KCNMA1: variants seen among roughly 807,000 people sequenced by gnomAD.
KCNMA1 encodes the protein potassium calcium-activated channel subfamily M alpha 1.
In KCNMA1, 29 loss-of-function variants were observed where a neutral mutation model predicts 140.0. That is an observed-to-expected ratio of 0.21 (90% CI 0.15 to 0.28). The LOEUF (loss-of-function observed/expected upper bound fraction) is 0.28. Ranked by LOEUF, KCNMA1 falls within the 10% of genes least tolerant of loss-of-function variation. The pLI, the probability that KCNMA1 is intolerant of heterozygous loss-of-function variation, is 1.00. For synonymous variants in KCNMA1, 612 were observed against 611.9 expected (o/e 1.00, Z 0.00); for missense variants, 880 against 1,602.2 (o/e 0.55, Z 7.70).
chr10:77,015,271 C>T (rs796645053), intron 17 of KCNMA1, among the ~76,000 whole-genome samples: 5 of 152,200 alleles, frequency 3.3e-5, no homozygotes, highest in Admixed American at 6.5e-5. Context: ...CTTGACCCCC[C>T]GGGTGCCCTC....
At position 77,121,454 on chromosome 10, in the gene KCNMA1, C is replaced by T. The variant is rs142758828; in HGVS notation, c.809-406G>A. 9.6e-3 allele frequency among the ~76,000 whole-genome samples: 1,464 copies of T among 152,174 alleles called. 28 individuals carry two copies. The highest frequency in any genetic ancestry group is 0.034 in the African/African-American group (1,397 of 41,498). Reference sequence around the variant, plus strand: ...TGCTAAGAGCAGATTGAGAATAAATCGGATAACCTTATGTCTTTGATGGAT... The same window carrying T: ...TGCTAAGAGCAGATTGAGAATAAATTGGATAACCTTATGTCTTTGATGGAT... On this transcript the variant is annotated intron_variant, in intron 5 of 27. Transcript: ENST00000286628.
chr10:77,105,071 C>A (rs917087062), intron 9 of KCNMA1, among the ~76,000 whole-genome samples: 1 of 152,194 alleles, frequency 6.6e-6, no homozygotes, highest in Non-Finnish European at 1.5e-5. Flanking sequence ...ACTCACTGAA[C>A]CCTTGGTTGT....
chr10:77,361,409 C>T (rs1404799804), intron 2 of KCNMA1, among the ~76,000 whole-genome samples: 1 of 152,200 alleles, frequency 6.6e-6, no homozygotes, highest in Non-Finnish European at 1.5e-5. Context: ...GGCGCCCAAA[C>T]AGGGACTTCC....
intron 14 of KCNMA1, chr10:77,064,061 T>C (rs2095851233): frequency 2.0e-6 from 2 of 985,300 alleles, no homozygotes; most frequent in Admixed American, 1.2e-4. Flanking sequence ...TCTGTGTATA[T>C]GTTATGTAAT....
intron 2 of KCNMA1, among the ~76,000 whole-genome samples, chr10:77,254,240 T>TA (rs1555080115): frequency 1.3e-5 from 2 of 151,538 alleles, no homozygotes; most frequent in East Asian, 1.9e-4. Context: ...TTTTTTTTTT[T>TA]AGACAGATCC....
intron 18 of KCNMA1, among the ~76,000 whole-genome samples, chr10:77,004,596 A>G (rs1271724851): frequency 6.6e-6 from 1 of 152,210 alleles, no homozygotes; most frequent in Non-Finnish European, 1.5e-5. Context: ...CTAAAAGCTG[A>G]TGAGGAGTTG....
intron 2 of KCNMA1, among the ~76,000 whole-genome samples, chr10:77,400,362 C>T (rs543009952): frequency 6.6e-6 from 1 of 152,342 alleles, no homozygotes; most frequent in East Asian, 1.9e-4. Flanking sequence ...CAGAGAGCAG[C>T]TGGCACCTTG....
chr10:77,018,698 T>C (rs113555496), intron 17 of KCNMA1, among the ~76,000 whole-genome samples: 227 of 152,324 alleles, frequency 1.5e-3, no homozygotes, highest in African/African-American at 5.0e-3. Flanking sequence ...AGGAGCCAGT[T>C]GTCTTGTTAT....
chr10:77,115,431 G>A (rs1022976685), intron 6 of KCNMA1, among the ~76,000 whole-genome samples: 1 of 152,186 alleles, frequency 6.6e-6, no homozygotes, highest in Non-Finnish European at 1.5e-5. Context: ...TCCCACATTG[G>A]AGGGTAAGAA....
At chr10:77,578,626 G>T (rs1381622423) in intron 1 of KCNMA1, among the ~76,000 whole-genome samples, 2 of 152,176 alleles carry the variant, frequency 1.3e-5, no homozygotes, top group Non-Finnish European at 2.9e-5. Flanking sequence ...GGAGCCTGAA[G>T]AGGACAAAGA....
chr10:76,952,084 T>A (rs906070858), intron 21 of KCNMA1: 7 of 1,552,154 alleles, frequency 4.5e-6, no homozygotes, highest in Non-Finnish European at 6.1e-6. Context: ...TGAATATCAG[T>A]TGGCATGCAT....
intron 3 of KCNMA1, among the ~76,000 whole-genome samples, chr10:77,186,776 A>AGTGTGTGTGTGT (rs1565084288): frequency 1.1e-5 from 1 of 89,952 alleles, no homozygotes; most frequent in African/African-American, 4.7e-5. Context: ...CTAAAGAGTA[A>AGTGTGTGTGTGT]ATGTGTGTGT....
chr10:76,952,160 C>T, intron 21 of KCNMA1: 1 of 1,551,510 alleles, frequency 6.4e-7, no homozygotes, highest in Non-Finnish European at 8.7e-7. Context: ...AGCCTGTGAC[C>T]TGCCACAAGT....
At chr10:77,575,164 C>T (rs769704539) in intron 1 of KCNMA1, among the ~76,000 whole-genome samples, 7 of 152,140 alleles carry the variant, frequency 4.6e-5, no homozygotes, top group East Asian at 1.9e-4. Flanking sequence ...GTGCCCAGAA[C>T]GAGCCGGCCA....
intron 15 of KCNMA1, among the ~76,000 whole-genome samples, chr10:77,029,136 C>T (rs2093725266): frequency 6.6e-6 from 1 of 151,986 alleles, no homozygotes; most frequent in Non-Finnish European, 1.5e-5. Context: ...GTTAGATGAA[C>T]CTATACACTT....
At chr10:77,426,393 A>C (rs900839112) in intron 1 of KCNMA1, among the ~76,000 whole-genome samples, 71 of 152,284 alleles carry the variant, frequency 4.7e-4, no homozygotes, top group African/African-American at 1.6e-3. Context: ...TTGAATCCTC[A>C]CAACAAGTTT....
intron 9 of KCNMA1, among the ~76,000 whole-genome samples, chr10:77,103,465 A>T (rs879350230): frequency 2.6e-5 from 4 of 152,270 alleles, no homozygotes; most frequent in Middle Eastern, 3.4e-3. Context: ...TGTGCGGCAG[A>T]CTAACTAAGG....
At chr10:76,997,861 G>C (rs2084902622) in intron 19 of KCNMA1, among the ~76,000 whole-genome samples, 1 of 152,194 alleles carries the variant, frequency 6.6e-6, no homozygotes, top group African/African-American at 2.4e-5. Context: ...ACAAAACCAA[G>C]ATGATCATAA....
At chr10:77,307,713 A>AT (rs1189288241) in intron 2 of KCNMA1, among the ~76,000 whole-genome samples, 2 of 151,848 alleles carry the variant, frequency 1.3e-5, no homozygotes, top group South Asian at 4.2e-4. Flanking sequence ...CGCCCAGCTA[A>AT]TTTTTTTGTA....
Sources: allele counts gnomAD v4.1 joint callset (sites outside exome capture counted in the v4.1 genomes callset), GRCh38; gene constraint gnomAD v4.1.1; transcripts MANE v1.5; gene names NCBI Gene and HGNC (gene_info 2026-07-23, HGNC 2026-07-21).